CSGALNACT1: variants seen among roughly 807,000 people sequenced by gnomAD.
CSGALNACT1 encodes the protein beta4GalNAcT-1.
In CSGALNACT1, 52 loss-of-function variants were observed where a neutral mutation model predicts 51.0. The ratio of observed to expected loss-of-function variants is 1.02; its 90% CI spans 0.82 to 1.29. CSGALNACT1 has a LOEUF of 1.29. CSGALNACT1 is among the 50% of genes most tolerant of loss of function. The probability of loss-of-function intolerance (pLI) is 0.00; values close to 1 mark genes in which losing one functional copy is unlikely to be tolerated. For missense variants in CSGALNACT1, 935 were observed against 679.2 expected, an observed-to-expected ratio of 1.38 and a Z score of -4.19; for synonymous variants, 341 against 254.4, an observed-to-expected ratio of 1.34 and a Z score of -3.24.
intron 2 of CSGALNACT1, among the ~76,000 whole-genome samples, chr8:19,600,796 T>C (rs967191184): frequency 3.3e-5 from 5 of 151,740 alleles, no homozygotes; most frequent in Admixed American, 2.0e-4. Context: ...TGGCTTCCAT[T>C]ATTTTATCTT....
chr8:19,684,803 T>C (rs1406825262), upstream of CSGALNACT1, among the ~76,000 whole-genome samples: 3 of 152,186 alleles, frequency 2.0e-5, no homozygotes, highest in African/African-American at 7.2e-5. Flanking sequence ...AAAAAGAACG[T>C]GAATCTCCAA....
intron 4 of CSGALNACT1, among the ~76,000 whole-genome samples, chr8:19,483,471 G>A (rs2072007275): frequency 6.6e-6 from 1 of 152,180 alleles, no homozygotes; most frequent in Admixed American, 6.5e-5. Flanking sequence ...CTAGGGCTCT[G>A]CATACCACCA....
exon 10 of CSGALNACT1, chr8:19,404,335 G>GAAGCAAGGACTCA (rs1191124411): frequency 6.6e-6 from 3 of 453,700 alleles, no homozygotes; most frequent in Non-Finnish European, 8.8e-6. Context: ...TGAGCAAACA[G>GAAGCAAGGACTCA]AAGCAAGGAC....
At chr8:19,655,579 CATATAT>C (rs66802003) in intron 1 of CSGALNACT1, among the ~76,000 whole-genome samples, 175 of 111,898 alleles carry the variant, frequency 1.6e-3, no homozygotes, top group African/African-American at 5.0e-3. Context: ...CACACACACA[CATATAT>C]ATATATATAT....
intron 3 of CSGALNACT1, 141 bp from the exon 3 acceptor site, chr8:19,506,271 G>C: frequency 2.8e-6 from 1 of 362,204 alleles, no homozygotes. Context: ...TGTTAAATGT[G>C]TATAAATCAG....
intron 3 of CSGALNACT1, among the ~76,000 whole-genome samples, chr8:19,553,528 TCAAA>T (rs2088763649): frequency 6.7e-6 from 1 of 149,754 alleles, no homozygotes; most frequent in African/African-American, 2.5e-5. Context: ...GTCAAAAAGC[TCAAA>T]CAATTTATAT....
At chr8:19,659,958 C>A (rs1468453409) in intron 1 of CSGALNACT1, among the ~76,000 whole-genome samples, 4 of 152,352 alleles carry the variant, frequency 2.6e-5, no homozygotes, top group African/African-American at 9.6e-5. Flanking sequence ...ATATGCTAGA[C>A]TCTAGCCGCT....
chr8:19,575,426 A>T (rs533735322), intron 3 of CSGALNACT1, among the ~76,000 whole-genome samples: 57 of 152,372 alleles, frequency 3.7e-4, no homozygotes, highest in Non-Finnish European at 7.8e-4. Context: ...CAAGTTTCTA[A>T]ATCTACCTAC....
At chr8:19,633,104 G>A (rs978305149) in intron 1 of CSGALNACT1, among the ~76,000 whole-genome samples, 3 of 151,934 alleles carry the variant, frequency 2.0e-5, no homozygotes, top group African/African-American at 7.3e-5. Flanking sequence ...GAGTTTGGGG[G>A]CTGGTAAGAA....
chr8:19,557,201 T>A (rs1311332838), intron 3 of CSGALNACT1, among the ~76,000 whole-genome samples: 1 of 152,164 alleles, frequency 6.6e-6, no homozygotes, highest in Non-Finnish European at 1.5e-5. Flanking sequence ...TGTCACAACC[T>A]CATCCTACCC....
At chr8:19,560,923 T>G (rs1192751818) in intron 3 of CSGALNACT1, among the ~76,000 whole-genome samples, 1 of 152,210 alleles carries the variant, frequency 6.6e-6, no homozygotes, top group East Asian at 1.9e-4. Context: ...CACTCATATT[T>G]TCATTCAATC....
intron 1 of CSGALNACT1, among the ~76,000 whole-genome samples, chr8:19,707,182 C>T (rs1385998576): frequency 6.6e-6 from 1 of 152,084 alleles, no homozygotes; most frequent in Admixed American, 6.6e-5. Flanking sequence ...GATTTGAAAA[C>T]ACCAACAGTG....
intron 4 of CSGALNACT1, among the ~76,000 whole-genome samples, chr8:19,481,320 T>G (rs114947963): frequency 5.1e-4 from 78 of 152,234 alleles, no homozygotes; most frequent in African/African-American, 1.8e-3. Context: ...CGGTCCTGTT[T>G]TAATCTTCAT....
chr8:19,480,856 T>A (rs2071177493), intron 4 of CSGALNACT1, among the ~76,000 whole-genome samples: 1 of 152,136 alleles, frequency 6.6e-6, no homozygotes, highest in Non-Finnish European at 1.5e-5. Context: ...ACGAGGAATA[T>A]TTCTTCTTTC....
intron 1 of CSGALNACT1, among the ~76,000 whole-genome samples, chr8:19,616,570 G>C (rs532408812): frequency 9.2e-5 from 14 of 152,280 alleles, no homozygotes; most frequent in Non-Finnish European, 4.4e-5. Flanking sequence ...GGGCCTCCTG[G>C]AAGGTGACTG....
chr8:19,685,835 T>C (rs1174121523), upstream of CSGALNACT1, among the ~76,000 whole-genome samples: 2 of 152,164 alleles, frequency 1.3e-5, no homozygotes, highest in African/African-American at 2.4e-5. Context: ...AGAGGTAGTT[T>C]TGGAGTAAGG....
intron 1 of CSGALNACT1, among the ~76,000 whole-genome samples, chr8:19,715,583 T>C (rs1022166458): frequency 2.6e-5 from 4 of 152,240 alleles, no homozygotes; most frequent in Admixed American, 2.0e-4. Flanking sequence ...AGGGCTGTGA[T>C]GAACATTTAG....
chr8:19,501,688 T>C (rs1168380913), intron 4 of CSGALNACT1, among the ~76,000 whole-genome samples: 1 of 152,242 alleles, frequency 6.6e-6, no homozygotes, highest in African/African-American at 2.4e-5. Context: ...AGCTAATTTG[T>C]TTGATGGGAT....
chr8:19,516,765 C>A (rs1357050182), intron 3 of CSGALNACT1, among the ~76,000 whole-genome samples: 5 of 152,222 alleles, frequency 3.3e-5, no homozygotes, highest in Admixed American at 2.6e-4. Flanking sequence ...ACCCATTACT[C>A]CTTGGGCCTG....
Sources: gnomAD v4.1 joint callset for allele counts (sites outside exome capture counted in the v4.1 genomes callset) on GRCh38, gnomAD v4.1.1 for gene constraint, MANE v1.5 for transcripts, NCBI Gene and HGNC (gene_info 2026-07-23, HGNC 2026-07-21) for gene names.